The following CDC26 variants were observed in gnomAD, a reference collection of about 807,000 sequenced individuals.
CDC26 encodes the protein anaphase-promoting complex subunit CDC26.
CDC26 carries 2 observed loss-of-function variants against 8.0 expected under a neutral mutation model. The observed-to-expected ratio is 0.25, with a 90% CI of 0.10 to 0.79. The LOEUF is 0.79. CDC26 is among the 30% of genes least tolerant of loss of function. The pLI is 0.70. For missense variants in CDC26, 68 were observed against 106.0 expected (o/e 0.64, Z 1.57); for synonymous variants, 19 against 34.9 (o/e 0.55, Z 1.60).
chr9:113,271,124 G>A (rs1348669301), intron 3 of CDC26, among the ~76,000 whole-genome samples: 2 of 152,180 alleles, frequency 1.3e-5, no homozygotes, highest in Non-Finnish European at 1.5e-5. Context: ...AAGAGAAAGG[G>A]AGGACTCAGG....
chr9:113,268,714 G>A (rs563063980), intron 3 of CDC26, among the ~76,000 whole-genome samples: 1 of 152,114 alleles, frequency 6.6e-6, no homozygotes, highest in East Asian at 1.9e-4. Context: ...CCAGGAGTGT[G>A]ACACTAGCCT....
intron 1 of CDC26, among the ~76,000 whole-genome samples, chr9:113,274,531 A>AG (rs904298954): frequency 1.1e-4 from 16 of 150,516 alleles, no homozygotes; most frequent in African/African-American, 2.9e-4. Flanking sequence ...GATACCTAAA[A>AG]GGGGGAAAAA....
In CDC26 at chr9:113,275,480, G is replaced by A. The variant is rs757688074; in HGVS notation, c.-250C>T. 3 of 480,938 alleles carry A rather than the reference G, an allele frequency of 6.2e-6. No individual in the cohort carries two copies. The highest frequency in any genetic ancestry group is 1.1e-5 in the Non-Finnish European group (3 of 267,498). 29.8% of individuals were successfully genotyped at this position (480,938 alleles called of 1,614,324 possible). ...GACTACACTTCCCAGACTGCTTGGA[G>A]CCTCTCTCTCCGCAGAACCTCGTCT... On this transcript the variant is annotated 5_prime_UTR_variant, in exon 1 of 4. Transcript: ENST00000374206.
At chr9:113,267,624 C>A (rs780967490) in intron 3 of CDC26, among the ~76,000 whole-genome samples, 185 bp from the exon 4 acceptor site, 86 of 152,032 alleles carry the variant, frequency 5.7e-4, no homozygotes, top group Non-Finnish European at 1.2e-3. Context: ...AAAGTTGTAA[C>A]CCCTGATCAC....
At chr9:113,275,022 A>C (rs1832035797) in intron 1 of CDC26, among the ~76,000 whole-genome samples, 1 of 152,084 alleles carries the variant, frequency 6.6e-6, no homozygotes, top group Non-Finnish European at 1.5e-5. Context: ...ATCTGATACA[A>C]AGACCAGGCT....
At chr9:113,275,267 C>G (rs1158436546) in intron 1 of CDC26, 115 bp downstream of exon 1, 1 of 154,914 alleles carries the variant, frequency 6.5e-6, no homozygotes, top group Non-Finnish European at 1.4e-5. Context: ...GTAACATGGT[C>G]CTCGGCTCCA....
intron 3 of CDC26, among the ~76,000 whole-genome samples, chr9:113,271,643 T>G (rs994742830): frequency 2.6e-5 from 4 of 152,226 alleles, no homozygotes; most frequent in Non-Finnish European, 5.9e-5. Context: ...TACTAATTTT[T>G]GGCCTATAAA....
At chr9:113,274,229 T>A (rs1206465139) in intron 1 of CDC26, among the ~76,000 whole-genome samples, 1 of 152,152 alleles carries the variant, frequency 6.6e-6, no homozygotes, top group Admixed American at 6.5e-5. Flanking sequence ...AAGGTCAACA[T>A]GATAAGCATT....
chr9:113,272,124 A>G (rs1369483822), intron 3 of CDC26, among the ~76,000 whole-genome samples: 1 of 152,206 alleles, frequency 6.6e-6, no homozygotes, highest in African/African-American at 2.4e-5. Context: ...AAGCTTTGAA[A>G]GTTGTATTCA....
intron 2 of CDC26, among the ~76,000 whole-genome samples, chr9:113,272,819 G>A (rs779262345): frequency 6.6e-6 from 1 of 151,818 alleles, no homozygotes; most frequent in Non-Finnish European, 1.5e-5. Flanking sequence ...AGCCTCCAGA[G>A]TAGCTGGGAC....
chr9:113,269,338 T>C (rs781385742), intron 3 of CDC26, among the ~76,000 whole-genome samples: 21 of 152,354 alleles, frequency 1.4e-4, no homozygotes, highest in South Asian at 8.3e-4. Context: ...GTAAGTGATG[T>C]TAGAAAGTTC....
chr9:113,271,360 G>A (rs543732058), intron 3 of CDC26, among the ~76,000 whole-genome samples: 46 of 152,270 alleles, frequency 3.0e-4, no homozygotes, highest in African/African-American at 8.4e-4. Flanking sequence ...TTGCAGGTGT[G>A]ACTAAATTAA....
At chr9:113,275,080 A>G (rs1314722588) in intron 1 of CDC26, among the ~76,000 whole-genome samples, 3 of 152,246 alleles carry the variant, frequency 2.0e-5, no homozygotes, top group Non-Finnish European at 4.4e-5. Context: ...CCGGGTCTTT[A>G]TTTGACTTTG....
chr9:113,272,410 C>T lies in CDC26; in HGVS notation c.81+17G>A. On this transcript the variant is annotated intron_variant, in intron 3 of 3. Transcript: ENST00000374206. ...AGCGAGACTCCATCTCAAAAAAACA[C>T]AAAGTTGTATTCATACCTCCAGGTC... 1 of 1,597,962 alleles carries T rather than the reference C, an allele frequency of 6.3e-7. No homozygotes were observed. Among genetic ancestry groups the T allele is most frequent in the Non-Finnish European group, 8.6e-7 (1 of 1,167,080 alleles).
At chr9:113,274,426 C>A (rs1471173080) in intron 1 of CDC26, among the ~76,000 whole-genome samples, 2 of 152,040 alleles carry the variant, frequency 1.3e-5, no homozygotes, top group Non-Finnish European at 2.9e-5. Context: ...TTTCAAATTC[C>A]TTTGTACTAA....
chr9:113,270,564 G>A (rs987586924), intron 3 of CDC26, among the ~76,000 whole-genome samples: 4 of 152,322 alleles, frequency 2.6e-5, no homozygotes, highest in South Asian at 2.1e-4. Flanking sequence ...CAGCATGGAC[G>A]GGAATGACAC....
intron 1 of CDC26, among the ~76,000 whole-genome samples, chr9:113,274,636 T>TA (rs1197091388): frequency 2.0e-5 from 3 of 152,134 alleles, no homozygotes; most frequent in Non-Finnish European, 4.4e-5. Context: ...CTGTAGAGGT[T>TA]AAAGGGCACA....
At chr9:113,272,634 C>G in intron 2 of CDC26, 86 bp from the exon 3 acceptor site, 2 of 624,090 alleles carry the variant, frequency 3.2e-6, no homozygotes, top group South Asian at 3.7e-5. Context: ...AGCATGTATA[C>G]TAAAGTGAAT....
chr9:113,274,532 G>C (rs929285018), intron 1 of CDC26, among the ~76,000 whole-genome samples: 1 of 150,150 alleles, frequency 6.7e-6, no homozygotes, highest in Non-Finnish European at 1.5e-5. Context: ...ATACCTAAAA[G>C]GGGGAAAAAA....
Sources: gnomAD v4.1 joint callset for allele counts (sites outside exome capture counted in the v4.1 genomes callset) on GRCh38, gnomAD v4.1.1 for gene constraint, MANE v1.5 for transcripts, NCBI Gene and HGNC (gene_info 2026-07-23, HGNC 2026-07-21) for gene names.